CD1B: variants seen among roughly 807,000 people sequenced by gnomAD.
CD1B encodes CD1b molecule, also known as T-cell surface glycoprotein CD1b.
Under a neutral mutation model 39.8 loss-of-function variants are expected in CD1B, and 43 were observed. The observed-to-expected ratio is 1.08, with a 90% confidence interval of 0.85 to 1.39. The LOEUF (loss-of-function observed/expected upper bound fraction) is 1.39, where lower values mean the gene tolerates loss of function less well. CD1B is among the 40% of genes most tolerant of loss of function. The pLI is 0.00. For missense variants in CD1B, 495 were observed against 403.8 expected (o/e 1.23, Z -1.94); for synonymous variants, 192 against 152.5 (o/e 1.26, Z -1.91).
the CD1B span, among the ~76,000 whole-genome samples, chr1:158,305,070 G>T: frequency 6.6e-6 from 1 of 152,154 alleles, no homozygotes; most frequent in Non-Finnish European, 1.5e-5. Flanking sequence ...ACCAGCAGTG[G>T]AACAAAGCAG....
chr1:158,303,615 C>T, the CD1B span, among the ~76,000 whole-genome samples: 1 of 152,134 alleles, frequency 6.6e-6, no homozygotes, highest in Admixed American at 6.5e-5. Context: ...AGTAGCTTCT[C>T]TATATATCAA....
the CD1B span, among the ~76,000 whole-genome samples, chr1:158,320,872 A>C: frequency 6.6e-6 from 1 of 152,272 alleles, no homozygotes; most frequent in South Asian, 2.1e-4. Flanking sequence ...GTTGAAAAAA[A>C]CATTTTTTGA....
the CD1B span, chr1:158,292,249 T>C: frequency 6.2e-7 from 1 of 1,614,216 alleles, no homozygotes; most frequent in Non-Finnish European, 8.5e-7. Flanking sequence ...GTCTGTCATC[T>C]ACTCAATCAT....
At chr1:158,307,786 C>A in the CD1B span, among the ~76,000 whole-genome samples, 1 of 151,908 alleles carries the variant, frequency 6.6e-6, no homozygotes, top group African/African-American at 2.4e-5. Context: ...ATTCAACAAC[C>A]CTTCATGCTA....
the CD1B span, among the ~76,000 whole-genome samples, chr1:158,295,069 T>C: frequency 1.3e-5 from 2 of 151,880 alleles, no homozygotes; most frequent in Non-Finnish European, 2.9e-5. Flanking sequence ...ATAGAGAGGA[T>C]TCTAGGACAC....
At chr1:158,325,371 G>A (rs950623573), downstream of CD1B, among the ~76,000 whole-genome samples, 1 of 152,084 alleles carries the variant, frequency 6.6e-6, no homozygotes, top group Non-Finnish European at 1.5e-5. Flanking sequence ...CAGATTGGAT[G>A]CCAAAGCAGA....
At chr1:158,331,153 A>G (rs990356452) in intron 1 of CD1B, 91 bp from the exon 2 acceptor site, 2 of 1,343,944 alleles carry the variant, frequency 1.5e-6, no homozygotes, top group East Asian at 4.6e-5. Context: ...TTAGAAAACA[A>G]GAACCTAGAG....
the CD1B span, among the ~76,000 whole-genome samples, chr1:158,318,085 A>C: frequency 1.2e-4 from 19 of 152,310 alleles, no homozygotes; most frequent in Non-Finnish European, 2.5e-4. Context: ...ACTGCCAACT[A>C]TGTGATCAAT....
At chr1:158,298,020 C>A in the CD1B span, among the ~76,000 whole-genome samples, 1 of 150,990 alleles carries the variant, frequency 6.6e-6, no homozygotes, top group Admixed American at 6.6e-5. Context: ...TGCAAGGACA[C>A]CCATAGGCCA....
chr1:158,302,183 G>C, the CD1B span, among the ~76,000 whole-genome samples: 1 of 152,144 alleles, frequency 6.6e-6, no homozygotes, highest in Non-Finnish European at 1.5e-5. Context: ...ACAATTTCTG[G>C]TCCTGAAAGA....
At chr1:158,326,421 A>T (rs1652352813), downstream of CD1B, among the ~76,000 whole-genome samples, 1 of 152,204 alleles carries the variant, frequency 6.6e-6, no homozygotes, top group African/African-American at 2.4e-5. Context: ...GATAAAAATG[A>T]GAGAAGAATC....
At chr1:158,305,253 G>A in the CD1B span, among the ~76,000 whole-genome samples, 2 of 152,242 alleles carry the variant, frequency 1.3e-5, no homozygotes, top group African/African-American at 4.8e-5. Flanking sequence ...GGACCGGATG[G>A]AGCTGAAAAC....
the CD1B span, among the ~76,000 whole-genome samples, chr1:158,310,059 C>T: frequency 6.6e-6 from 1 of 151,862 alleles, no homozygotes; most frequent in African/African-American, 2.4e-5. Context: ...CACTATCTGA[C>T]TTCAAACTAT....
chr1:158,324,042 T>C (rs1652271446), downstream of CD1B, among the ~76,000 whole-genome samples: 1 of 152,204 alleles, frequency 6.6e-6, no homozygotes, highest in Admixed American at 6.5e-5. Flanking sequence ...CACAGCTGAG[T>C]GGGTCTGGAG....
At chr1:158,306,839 A>C in the CD1B span, among the ~76,000 whole-genome samples, 2 of 152,220 alleles carry the variant, frequency 1.3e-5, no homozygotes, top group African/African-American at 4.8e-5. Flanking sequence ...TACTGGGTAC[A>C]TAATGAAATG....
At chr1:158,298,446 C>G in the CD1B span, among the ~76,000 whole-genome samples, 1 of 152,092 alleles carries the variant, frequency 6.6e-6, no homozygotes, top group Non-Finnish European at 1.5e-5. Context: ...AATATACATT[C>G]TTCCCATGCC....
intron 1 of CD1B, 140 bp downstream of exon 1, chr1:158,331,223 C>T (rs1652590063): frequency 3.7e-6 from 4 of 1,079,712 alleles, no homozygotes; most frequent in African/African-American, 3.2e-5. Flanking sequence ...GTTCTAGTCC[C>T]AACCACCAGA....
At chr1:158,297,332 AAT>A in the CD1B span, among the ~76,000 whole-genome samples, 1 of 152,326 alleles carries the variant, frequency 6.6e-6, no homozygotes, top group African/African-American at 2.4e-5. Flanking sequence ...TCTGACCCAA[AAT>A]TTCATATCCA....
At chr1:158,292,343 G>A in the CD1B span, 3 of 1,613,986 alleles carry the variant, frequency 1.9e-6, no homozygotes, top group Non-Finnish European at 1.7e-6. Context: ...TGGATGCAGG[G>A]AAGATGTATG....
Sources: allele counts gnomAD v4.1 joint callset (sites outside exome capture counted in the v4.1 genomes callset), GRCh38; gene constraint gnomAD v4.1.1; transcripts MANE v1.5; gene names NCBI Gene and HGNC (gene_info 2026-07-23, HGNC 2026-07-21).